CSMD1: variants seen among roughly 807,000 people sequenced by gnomAD.
CSMD1 encodes CUB and Sushi multiple domains 1, also known as CUB and sushi domain-containing protein 1.
In CSMD1, 213 loss-of-function variants were observed where a neutral mutation model predicts 417.5. That is an observed-to-expected ratio of 0.51 (90% CI 0.46 to 0.57). The LOEUF is 0.57. Among genes scored for constraint, CSMD1 ranks in the 20% least tolerant of loss-of-function variants. CSMD1 has a pLI of 0.00. For missense variants in CSMD1, 6,923 were observed against 4,529.7 expected, an observed-to-expected ratio of 1.53 and a Z score of -15.17; for synonymous variants, 2,862 against 1,736.8, an observed-to-expected ratio of 1.65 and a Z score of -16.11.
chr8:3,003,011 T>C (rs1162289376), intron 52 of CSMD1, among the ~76,000 whole-genome samples: 9 of 152,252 alleles, frequency 5.9e-5, no homozygotes, highest in African/African-American at 1.9e-4. Flanking sequence ...TATTTCTTCA[T>C]TGTGGCTTCC....
intron 3 of CSMD1, among the ~76,000 whole-genome samples, chr8:4,084,197 C>G (rs1286604728): frequency 6.6e-6 from 1 of 151,672 alleles, no homozygotes; most frequent in Non-Finnish European, 1.5e-5. Flanking sequence ...GTATTTTTTC[C>G]TGATTTTTCA....
At chr8:3,329,278 C>T (rs533538656) in intron 23 of CSMD1, among the ~76,000 whole-genome samples, 2 of 152,204 alleles carry the variant, frequency 1.3e-5, no homozygotes, top group Admixed American at 1.3e-4. Context: ...AGACACATTT[C>T]CAGCAAGCAA....
Position 3,110,330 on chromosome 8 carries a change from A to G in CSMD1, c.6436T>C (p.Cys2146Arg). ...TTCTGAGAAGTTACGTTGTACCCAC[A>G]AGGGGCTGCAAAGGAAACCAAGAAA... ...NYPFPRCDAP[C>R]GYNVTSQNGT... Residue 2146 changes from cysteine to arginine, a missense_variant, in exon 43 of 70, where the codon TGT becomes CGT. Physicochemically the swap from Cys to Arg is radical, Grantham distance 180 (BLOSUM62 -3). Coordinates refer to ENST00000635120, the MANE Select transcript of CSMD1 (RefSeq NM_033225.6). 1 of 1,601,346 alleles carries G rather than the reference A, an allele frequency of 6.2e-7. No homozygotes were observed.
chr8:3,457,053 T>G (rs981596396), intron 12 of CSMD1, among the ~76,000 whole-genome samples: 6 of 151,356 alleles, frequency 4.0e-5, no homozygotes, highest in Non-Finnish European at 5.9e-5. Flanking sequence ...CCTCATTCTG[T>G]ACTCCTCACC....
chr8:4,712,104 A>C (rs368641990), intron 1 of CSMD1, among the ~76,000 whole-genome samples: 1 of 152,202 alleles, frequency 6.6e-6, no homozygotes. Flanking sequence ...ATGCCCCTGG[A>C]AGTCAATCAA....
chr8:4,487,596 T>G lies in CSMD1; in HGVS notation c.303-67531A>C, dbSNP rs1257245097. 3.3e-5 allele frequency among the ~76,000 whole-genome samples: 5 copies of G among 152,342 alleles called. No homozygotes were observed. In the East Asian group the frequency reaches 7.7e-4, roughly 23 times the overall value. On this transcript the variant is annotated intron_variant, in intron 2 of 69. Transcript: ENST00000635120. ...GACATTTGGGTTGGTTCCAAGTCTTTGCTATTGTGAAGTTTCAAAATTAAA... is the reference window on the plus strand; with the variant it reads ...GACATTTGGGTTGGTTCCAAGTCTTGGCTATTGTGAAGTTTCAAAATTAAA...
chr8:3,621,011 A>G (rs535324006), intron 7 of CSMD1, among the ~76,000 whole-genome samples: 1 of 152,210 alleles, frequency 6.6e-6, no homozygotes, highest in Non-Finnish European at 1.5e-5. Flanking sequence ...ATCCAACATG[A>G]CTGGTGCCCT....
intron 2 of CSMD1, among the ~76,000 whole-genome samples, chr8:4,624,319 C>A (rs1801970451): frequency 6.6e-6 from 1 of 152,064 alleles, no homozygotes; most frequent in South Asian, 2.1e-4. Flanking sequence ...CAGAAGAATT[C>A]TTCGAGCTCT....
At chr8:4,976,700 T>A (rs1490071765) in intron 1 of CSMD1, among the ~76,000 whole-genome samples, 1 of 152,206 alleles carries the variant, frequency 6.6e-6, no homozygotes, top group African/African-American at 2.4e-5. Flanking sequence ...TTTTTATTTG[T>A]TTTAATATAC....
chr8:3,233,219 T>A (rs974433624), intron 26 of CSMD1, among the ~76,000 whole-genome samples: 1 of 152,132 alleles, frequency 6.6e-6, no homozygotes, highest in Non-Finnish European at 1.5e-5. Context: ...GGTGAGGCCT[T>A]TAAGAGGTGA....
intron 3 of CSMD1, among the ~76,000 whole-genome samples, chr8:4,240,798 C>G (rs1042426417): frequency 1.3e-5 from 2 of 152,134 alleles, no homozygotes; most frequent in African/African-American, 4.8e-5. Context: ...CCAAAAATAT[C>G]CATACTATCT....
intron 2 of CSMD1, among the ~76,000 whole-genome samples, chr8:4,526,556 A>G (rs1171788371): frequency 1.3e-5 from 2 of 152,256 alleles, no homozygotes; most frequent in Non-Finnish European, 2.9e-5. Flanking sequence ...GTTGTGGTCT[A>G]TTACGAAGGT....
At chr8:4,637,746 C>G (rs1212446816) in intron 1 of CSMD1, among the ~76,000 whole-genome samples, 188 bp from the exon 2 acceptor site, 2 of 144,542 alleles carry the variant, frequency 1.4e-5, no homozygotes, top group African/African-American at 2.5e-5. Flanking sequence ...TCTCAGCTCA[C>G]TGCAAGCTCC....
At chr8:3,989,899 T>A (rs960672585) in intron 5 of CSMD1, among the ~76,000 whole-genome samples, 12 of 152,212 alleles carry the variant, frequency 7.9e-5, no homozygotes, top group African/African-American at 2.9e-4. Flanking sequence ...CAGTCCTCCA[T>A]GAAATTGTGC....
intron 12 of CSMD1, among the ~76,000 whole-genome samples, chr8:3,458,108 C>G (rs1000715232): frequency 6.6e-6 from 1 of 152,192 alleles, no homozygotes; most frequent in Admixed American, 6.5e-5. Flanking sequence ...CCCCGCAGCG[C>G]TTAACCTCCG....
chr8:3,609,040 A>G (rs1188840804), intron 8 of CSMD1, among the ~76,000 whole-genome samples: 1 of 152,202 alleles, frequency 6.6e-6, no homozygotes, highest in African/African-American at 2.4e-5. Flanking sequence ...TAGTGAGTGT[A>G]AAAACTTCTA....
intron 20 of CSMD1, among the ~76,000 whole-genome samples, chr8:3,363,387 C>G (rs879182064): frequency 1.3e-5 from 2 of 152,056 alleles, no homozygotes; most frequent in African/African-American, 2.4e-5. Context: ...GTCATGGAAA[C>G]GTTTTTCTCC....
At chr8:4,742,501 C>G (rs1313676576) in intron 1 of CSMD1, among the ~76,000 whole-genome samples, 1 of 151,986 alleles carries the variant, frequency 6.6e-6, no homozygotes, top group Non-Finnish European at 1.5e-5. Context: ...TACATATACA[C>G]ACATGTACAT....
intron 3 of CSMD1, among the ~76,000 whole-genome samples, chr8:4,069,820 A>C (rs1346365198): frequency 1.3e-5 from 2 of 152,202 alleles, no homozygotes; most frequent in East Asian, 1.9e-4. Flanking sequence ...CTCACTACTG[A>C]AAGAATATCG....
Sources: allele counts gnomAD v4.1 joint callset (sites outside exome capture counted in the v4.1 genomes callset), GRCh38; gene constraint gnomAD v4.1.1; transcripts MANE v1.5; gene names NCBI Gene and HGNC (gene_info 2026-07-23, HGNC 2026-07-21).